The following C1orf21 variants were observed in gnomAD, a reference collection of about 807,000 sequenced individuals.
C1orf21 encodes uncharacterized protein C1orf21.
C1orf21 carries 3 observed loss-of-function variants against 18.7 expected under a neutral mutation model. That is an observed-to-expected ratio of 0.16 (90% CI 0.07 to 0.42). The LOEUF (loss-of-function observed/expected upper bound fraction) is 0.42. Ranked by LOEUF, C1orf21 falls within the 10% of genes least tolerant of loss-of-function variation. C1orf21 has a pLI of 0.99. For missense variants in C1orf21, 104 were observed against 143.6 expected (o/e 0.72, Z 1.41); for synonymous variants, 41 against 46.4 (o/e 0.88, Z 0.47).
intron 3 of C1orf21, among the ~76,000 whole-genome samples, chr1:184,577,228 A>G (rs1659205349): frequency 6.6e-6 from 1 of 151,432 alleles, no homozygotes; most frequent in Admixed American, 6.6e-5. Flanking sequence ...CAAGAGAATC[A>G]GAGTTAGAGA....
chr1:184,518,639 T>C (rs1658263482), intron 3 of C1orf21, among the ~76,000 whole-genome samples: 1 of 152,166 alleles, frequency 6.6e-6, no homozygotes, highest in Admixed American at 6.6e-5. Flanking sequence ...TTCTACATGC[T>C]CAACACTGAA....
At chr1:184,515,517 A>T (rs188973695) in intron 3 of C1orf21, among the ~76,000 whole-genome samples, 4 of 152,210 alleles carry the variant, frequency 2.6e-5, no homozygotes, top group African/African-American at 9.6e-5. Flanking sequence ...TTGCATATAA[A>T]TGATTTAAAA....
At chr1:184,426,668 T>A (rs1452315251) in intron 1 of C1orf21, among the ~76,000 whole-genome samples, 1 of 152,224 alleles carries the variant, frequency 6.6e-6, no homozygotes, top group Non-Finnish European at 1.5e-5. Context: ...TTCCCTAATG[T>A]GCCTCTCTTA....
At chr1:184,444,861 T>C (rs1571360696) in intron 1 of C1orf21, among the ~76,000 whole-genome samples, 1 of 152,174 alleles carries the variant, frequency 6.6e-6, no homozygotes, top group South Asian at 2.1e-4. Flanking sequence ...CATGGTCTTC[T>C]ATCTAGGGAG....
At chr1:184,460,617 GTCGTCT>G (rs1380422718) in intron 1 of C1orf21, among the ~76,000 whole-genome samples, 1,482 of 116,252 alleles carry the variant, frequency 0.013, 31 homozygotes, top group African/African-American at 0.047. Context: ...TATTGTCGTC[GTCGTCT>G]TCTTCTTCTT....
intron 3 of C1orf21, among the ~76,000 whole-genome samples, chr1:184,574,162 G>A (rs769634356): frequency 1.3e-5 from 2 of 152,150 alleles, no homozygotes; most frequent in South Asian, 2.1e-4. Context: ...CTGAGATCAC[G>A]CCACTGCACT....
intron 3 of C1orf21, among the ~76,000 whole-genome samples, chr1:184,560,353 A>T (rs911087233): frequency 1.3e-5 from 2 of 152,198 alleles, no homozygotes; most frequent in Admixed American, 6.5e-5. Flanking sequence ...GCACCGTAAG[A>T]TCTTTGCAAA....
At chr1:184,564,944 G>C (rs1466471423) in intron 3 of C1orf21, among the ~76,000 whole-genome samples, 2 of 152,302 alleles carry the variant, frequency 1.3e-5, no homozygotes, top group South Asian at 4.1e-4. Context: ...CAGTAGAAAG[G>C]AAGGAGACCT....
chr1:184,579,584 C>G (rs1038902478), intron 3 of C1orf21, among the ~76,000 whole-genome samples: 2 of 148,682 alleles, frequency 1.3e-5, no homozygotes, highest in African/African-American at 2.5e-5. Context: ...GATCTCAGCT[C>G]ACTGCAACCT....
At chr1:184,451,895 G>A (rs1657129045) in intron 1 of C1orf21, among the ~76,000 whole-genome samples, 1 of 152,166 alleles carries the variant, frequency 6.6e-6, no homozygotes, top group Non-Finnish European at 1.5e-5. Context: ...GCTCCATTGA[G>A]TGATTATATC....
intron 3 of C1orf21, among the ~76,000 whole-genome samples, chr1:184,534,286 C>T (rs902876711): frequency 6.6e-6 from 1 of 152,120 alleles, no homozygotes; most frequent in African/African-American, 2.4e-5. Flanking sequence ...AAGAAAAGCT[C>T]AGAGGGGTGT....
chr1:184,455,730 G>A (rs1020894862), intron 1 of C1orf21, among the ~76,000 whole-genome samples: 2 of 152,088 alleles, frequency 1.3e-5, no homozygotes, highest in East Asian at 1.9e-4. Context: ...CACTACCAGG[G>A]CCTGAATAAA....
intron 1 of C1orf21, among the ~76,000 whole-genome samples, chr1:184,396,876 G>C (rs1039342347): frequency 1.3e-5 from 2 of 152,172 alleles, no homozygotes; most frequent in African/African-American, 4.8e-5. Flanking sequence ...GACTGTATTT[G>C]TTTTTGATCC....
intron 3 of C1orf21, among the ~76,000 whole-genome samples, chr1:184,586,288 T>TC (rs1285075594): frequency 6.7e-6 from 1 of 148,454 alleles, no homozygotes. Context: ...TTGTCCACTT[T>TC]TTTTTTTTTT....
chr1:184,522,263 C>T (rs1658315781), intron 3 of C1orf21, among the ~76,000 whole-genome samples: 1 of 151,944 alleles, frequency 6.6e-6, no homozygotes, highest in Admixed American at 6.6e-5. Context: ...TGTATAGATA[C>T]ATGTATTTAT....
chr1:184,504,081 A>G (rs982401650), intron 2 of C1orf21, among the ~76,000 whole-genome samples: 4 of 152,144 alleles, frequency 2.6e-5, no homozygotes, highest in African/African-American at 9.7e-5. Context: ...CCCCACTTGG[A>G]TGTAATCTGA....
chr1:184,589,805 A>G (rs528436556), intron 3 of C1orf21, among the ~76,000 whole-genome samples: 1 of 152,322 alleles, frequency 6.6e-6, no homozygotes, highest in African/African-American at 2.4e-5. Context: ...CAGGAGAAAT[A>G]GGACCTCAAA....
intron 3 of C1orf21, among the ~76,000 whole-genome samples, chr1:184,522,939 C>T (rs915126731): frequency 4.6e-5 from 7 of 152,162 alleles, no homozygotes; most frequent in African/African-American, 7.2e-5. Context: ...CCACCTGCCT[C>T]GGCCTCCCAA....
chr1:184,395,203 C>T (rs1349204699), intron 1 of C1orf21, among the ~76,000 whole-genome samples: 1 of 151,798 alleles, frequency 6.6e-6, no homozygotes, highest in Non-Finnish European at 1.5e-5. Context: ...ATATTTTTGT[C>T]CCCAGCCAAA....
Sources: gnomAD v4.1 joint callset for allele counts (sites outside exome capture counted in the v4.1 genomes callset) on GRCh38, gnomAD v4.1.1 for gene constraint, MANE v1.5 for transcripts, NCBI Gene and HGNC (gene_info 2026-07-23, HGNC 2026-07-21) for gene names.